C11orf65: variants seen among roughly 807,000 people sequenced by gnomAD.
The protein encoded by C11orf65 is protein MFI.
A neutral mutation model predicts 35.3 loss-of-function variants in C11orf65; 38 were observed. The ratio of observed to expected loss-of-function variants is 1.08; its 90% CI spans 0.83 to 1.41. C11orf65 has a LOEUF of 1.41. Among genes scored for constraint, C11orf65 ranks in the 40% most tolerant of loss-of-function variants. The pLI is 0.00. For missense variants in C11orf65, 370 were observed against 367.1 expected (o/e 1.01, Z -0.06); for synonymous variants, 105 against 114.4 (o/e 0.92, Z 0.53).
intron 6 of C11orf65, chr11:108,312,572 A>G (rs776685938): frequency 5.9e-5 from 62 of 1,059,510 alleles, no homozygotes; most frequent in Non-Finnish European, 8.5e-5. Flanking sequence ...TAGACACTGT[A>G]CAGATGCCAT....
At chr11:108,390,117 G>T (rs1451492355) in intron 7 of C11orf65, among the ~76,000 whole-genome samples, 2 of 152,080 alleles carry the variant, frequency 1.3e-5, no homozygotes, top group South Asian at 4.1e-4. Flanking sequence ...TCCACCTCCT[G>T]GGTTCACGCC....
chr11:108,394,357 G>A (rs2092255057), intron 6 of C11orf65, among the ~76,000 whole-genome samples: 1 of 152,106 alleles, frequency 6.6e-6, no homozygotes, highest in African/African-American at 2.4e-5. Context: ...TTTGAGGCCA[G>A]GAGTTTGAGG....
chr11:108,465,129 T>C (rs2135800554), intron 1 of C11orf65, among the ~76,000 whole-genome samples: 1 of 152,322 alleles, frequency 6.6e-6, no homozygotes, highest in South Asian at 2.1e-4. Context: ...ATTTCATCAT[T>C]TTCCCAAATA....
intron 6 of C11orf65, chr11:108,312,310 C>T (rs938806320): frequency 7.5e-5 from 64 of 852,478 alleles, no homozygotes; most frequent in Non-Finnish European, 1.2e-4. Context: ...GTTTTGTTTG[C>T]CACCTTCATT....
chr11:108,458,589 G>GT (rs2093434916), intron 2 of C11orf65, among the ~76,000 whole-genome samples: 2 of 152,220 alleles, frequency 1.3e-5, no homozygotes, highest in South Asian at 4.1e-4. Flanking sequence ...AGGTGTGCCT[G>GT]TTTAACATTT....
At chr11:108,340,334 A>G (rs1403917209) in intron 2 of C11orf65, 1 of 152,180 alleles carries the variant, frequency 6.6e-6, no homozygotes, top group Non-Finnish European at 1.5e-5. Flanking sequence ...ATGTCATATC[A>G]TTTCATCTGT....
At chr11:108,466,108 A>G (rs912780776) in intron 1 of C11orf65, among the ~76,000 whole-genome samples, 1 of 152,184 alleles carries the variant, frequency 6.6e-6, no homozygotes, top group Non-Finnish European at 1.5e-5. Flanking sequence ...AAAAGGGATA[A>G]GTTAAATGGT....
Position 108,312,284 on chromosome 11 carries a change from A to G in C11orf65, c.641-3213T>C, listed in dbSNP as rs1379825498. On this transcript the variant is annotated intron_variant, in intron 6 of 6. Coordinates refer to the C11orf65 transcript ENST00000525729. The stretch of plus-strand genomic sequence containing the variant: ...TATAAATGGTATTATGTTTTAAAGT[A>G]TAAGTGATTTATTCTGTTTTGTTTG... The G allele has an allele frequency of 1.8e-5, 13 of 719,090 alleles. No homozygotes were observed. The Admixed American group carries it at 1.8e-4, about 10-fold the overall frequency. 44.5% of individuals were successfully genotyped at this position (719,090 alleles called of 1,614,324 possible).
At position 108,431,825 on chromosome 11, in the gene C11orf65, A is replaced by T. The variant is rs766236310; in HGVS notation, c.95T>A (p.Phe32Tyr). The stretch of plus-strand genomic sequence containing the variant: ...ATCAATCAGACTTTTAAAGTGTTGA[A>T]ATATAGCGACATTCTAAAGGTTCAA... ...AWKSFLNVAI[F>Y]QHFKSLIDLR... Residue 32 changes from phenylalanine (F) to tyrosine (Y), a missense_variant, in exon 3 of 9, where the codon TTT becomes TAT. Coordinates refer to ENST00000393084, the MANE Select transcript of C11orf65 (RefSeq NM_152587.5). 33 of 1,501,142 alleles carry T rather than the reference A, an allele frequency of 2.2e-5. No individual in the cohort carries two copies. Among genetic ancestry groups the T allele is most frequent in the Non-Finnish European group, 2.8e-5 (31 of 1,107,310 alleles). The allele number at this position is 1,501,142 out of a possible 1,614,324, so 93.0% of individuals were successfully genotyped here.
At chr11:108,464,860 TA>T (rs1223160973) in intron 1 of C11orf65, among the ~76,000 whole-genome samples, 10 of 151,750 alleles carry the variant, frequency 6.6e-5, no homozygotes, top group Admixed American at 4.6e-4. Context: ...ATAACTTCAT[TA>T]AAAAAAACAG....
intron 6 of C11orf65, among the ~76,000 whole-genome samples, chr11:108,323,375 T>C (rs906655734): frequency 1.3e-5 from 2 of 152,080 alleles, no homozygotes; most frequent in Admixed American, 6.6e-5. Flanking sequence ...GTGAATAGAA[T>C]GGTAGTAACC....
At chr11:108,334,071 T>C (rs2086574862) in intron 3 of C11orf65, 2 of 892,180 alleles carry the variant, frequency 2.2e-6, no homozygotes, top group Non-Finnish European at 3.6e-6. Flanking sequence ...GGTTAAATAT[T>C]GGCAAATTTC....
Position 108,450,361 on chromosome 11 carries a change from C to G in C11orf65, c.81+11118G>C, listed in dbSNP as rs890993587. ...GCGGCACTATTCACAATAGCAAAGACTTGGAACTAACCCAAATGCCTAACA... is the reference window on the plus strand; with the variant it reads ...GCGGCACTATTCACAATAGCAAAGAGTTGGAACTAACCCAAATGCCTAACA... On this transcript the variant is annotated intron_variant, in intron 2 of 8. Coordinates refer to ENST00000393084, the MANE Select transcript of C11orf65 (RefSeq NM_152587.5). Among the ~76,000 whole-genome samples, 5 of 151,818 alleles carry G rather than the reference C, an allele frequency of 3.3e-5. No homozygotes were observed. The East Asian group carries it at 9.7e-4, about 29-fold the overall frequency.
chr11:108,365,489 G>T lies in C11orf65; in HGVS notation c.226+27719C>A, dbSNP rs1555152073. ...AAAAATCTCAGCCGACTTTTCCCAG[G>T]ATGGAAAGCTTGGGTGTGATCTTCA... On this transcript the variant is annotated intron_variant, in intron 2 of 3. Transcript: ENST00000524755. 1 of 1,614,134 alleles carries T rather than the reference G, an allele frequency of 6.2e-7. No homozygotes were observed. Among genetic ancestry groups the T allele is most frequent in the Non-Finnish European group, 8.5e-7 (1 of 1,180,012 alleles).
intron 6 of C11orf65, chr11:108,316,148 T>G: frequency 1.3e-6 from 2 of 1,562,102 alleles, no homozygotes; most frequent in Non-Finnish European, 1.8e-6. Flanking sequence ...AAGCCATCAC[T>G]AGTGTAGTGC....
At chr11:108,447,906 AAG>A (rs1196463923) in intron 2 of C11orf65, among the ~76,000 whole-genome samples, 1 of 152,192 alleles carries the variant, frequency 6.6e-6, no homozygotes, top group Non-Finnish European at 1.5e-5. Context: ...ATAAAGAAAA[AAG>A]AGAGAAGAAT....
At chr11:108,448,484 G>A (rs546610650) in intron 2 of C11orf65, among the ~76,000 whole-genome samples, 29 of 152,226 alleles carry the variant, frequency 1.9e-4, no homozygotes, top group South Asian at 2.1e-4. Flanking sequence ...TTCAACATAT[G>A]CAAATGAATA....
rs189613965 is a variant in C11orf65 at position 108,401,514 on chromosome 11, C to T, written c.560+3915G>A. ...GCTGTGCAGCTGCAAGGTCACTAGACAGATAAACTCAAGTCATAAAACATG... is the reference window on the plus strand; with the variant it reads ...GCTGTGCAGCTGCAAGGTCACTAGATAGATAAACTCAAGTCATAAAACATG... On this transcript the variant is annotated intron_variant, in intron 6 of 8. Transcript: ENST00000393084. Among the ~76,000 whole-genome samples the T allele has an allele frequency of 3.7e-3, 557 of 152,278 alleles. 5 individuals are homozygous for T. In the Middle Eastern group the frequency reaches 0.071, roughly 20 times the overall value.
chr11:108,465,629 G>C (rs887666231), intron 1 of C11orf65, among the ~76,000 whole-genome samples: 2 of 152,046 alleles, frequency 1.3e-5, no homozygotes, highest in Non-Finnish European at 2.9e-5. Flanking sequence ...TCTTTGGAGT[G>C]CTGTAAGGGA....
Sources: allele counts gnomAD v4.1 joint callset (sites outside exome capture counted in the v4.1 genomes callset), GRCh38; gene constraint gnomAD v4.1.1; transcripts MANE v1.5; gene names NCBI Gene and HGNC (gene_info 2026-07-23, HGNC 2026-07-21).